SLC9A9: variants seen among roughly 807,000 people sequenced by gnomAD.
The protein encoded by SLC9A9 is sodium/hydrogen exchanger 9.
Under a neutral mutation model 77.8 loss-of-function variants are expected in SLC9A9, and 62 were observed. That is an observed-to-expected ratio of 0.80 (90% CI 0.65 to 0.98). The LOEUF is 0.98. SLC9A9 is among the 50% of genes least tolerant of loss of function. The probability of loss-of-function intolerance (pLI) is 0.00; values close to 1 mark genes in which losing one functional copy is unlikely to be tolerated. For synonymous variants in SLC9A9, 320 were observed against 283.5 expected (o/e 1.13, Z -1.29); for missense variants, 775 against 774.9 (o/e 1.00, Z 0.00).
chr3:143,785,698 C>T (rs1440526404), intron 4 of SLC9A9, among the ~76,000 whole-genome samples: 3 of 151,548 alleles, frequency 2.0e-5, no homozygotes, highest in African/African-American at 4.9e-5. Flanking sequence ...TGTGTGTGAG[C>T]GTGTGTGTGT....
intron 9 of SLC9A9, among the ~76,000 whole-genome samples, chr3:143,521,916 A>T (rs951367812): frequency 3.9e-5 from 6 of 152,006 alleles, no homozygotes; most frequent in African/African-American, 1.2e-4. Context: ...TCTCTCAATG[A>T]TTTGTTTCCT....
At chr3:143,283,107 A>G (rs906217166) in intron 14 of SLC9A9, among the ~76,000 whole-genome samples, 8 of 152,272 alleles carry the variant, frequency 5.3e-5, no homozygotes, top group Non-Finnish European at 1.0e-4. Flanking sequence ...AATGCCCAGT[A>G]GGCAGAAATG....
At chr3:143,391,827 G>C (rs1176854230) in intron 12 of SLC9A9, among the ~76,000 whole-genome samples, 3 of 152,202 alleles carry the variant, frequency 2.0e-5, no homozygotes, top group Admixed American at 6.5e-5. Context: ...TAGCCGATTT[G>C]ATCAACTGGA....
At chr3:143,351,965 A>G (rs910588815) in intron 14 of SLC9A9, among the ~76,000 whole-genome samples, 2 of 152,140 alleles carry the variant, frequency 1.3e-5, no homozygotes, top group African/African-American at 4.8e-5. Flanking sequence ...AAGTTGGCCA[A>G]TCCAGTTAAA....
At chr3:143,772,699 T>C (rs1166503812) in intron 4 of SLC9A9, among the ~76,000 whole-genome samples, 1 of 152,226 alleles carries the variant, frequency 6.6e-6, no homozygotes, top group Non-Finnish European at 1.5e-5. Context: ...TGCTGATTAA[T>C]AAGCTGAGTG....
At chr3:143,676,191 G>C (rs1932879317) in intron 5 of SLC9A9, among the ~76,000 whole-genome samples, 2 of 152,100 alleles carry the variant, frequency 1.3e-5, no homozygotes, top group South Asian at 4.2e-4. Flanking sequence ...ATGCTGGCTG[G>C]CCTGCCACTC....
chr3:143,506,656 T>C (rs2108601217), intron 9 of SLC9A9, among the ~76,000 whole-genome samples: 1 of 152,280 alleles, frequency 6.6e-6, no homozygotes, highest in East Asian at 1.9e-4. Flanking sequence ...TATGAGGTCT[T>C]GAGTCTAGAA....
At position 143,266,271 on chromosome 3, in the gene SLC9A9, G is replaced by A; in HGVS notation, c.*431C>T. 3.3e-6 allele frequency: 2 copies of A among 597,600 alleles called. No homozygotes were observed. Among genetic ancestry groups the A allele is most frequent in the Non-Finnish European group, 5.9e-6 (2 of 337,102 alleles). 37.0% of individuals were successfully genotyped at this position (597,600 alleles called of 1,614,324 possible). A position where few individuals can be genotyped will look rare whatever the true frequency, so the allele number is the denominator to read the frequency against. ...ACTAAATAGCTGGGCATTCCCTTCA[G>A]CTTAGGAGCAAAATGTTTACTCTCA... is the stretch of plus-strand genomic sequence containing the variant. On this transcript the variant is annotated 3_prime_UTR_variant, in exon 16 of 16. Transcript: ENST00000316549.
intron 6 of SLC9A9, among the ~76,000 whole-genome samples, chr3:143,632,664 G>A (rs1201400932): frequency 6.6e-6 from 1 of 152,144 alleles, no homozygotes; most frequent in Admixed American, 6.6e-5. Context: ...GTATTACATG[G>A]TTAGTAATTT....
intron 9 of SLC9A9, chr3:143,504,063 A>G: frequency 2.0e-6 from 1 of 500,270 alleles, no homozygotes; most frequent in Non-Finnish European, 4.0e-6. Context: ...TGGGATTTCC[A>G]CTGATGACAA....
At chr3:143,678,106 A>G (rs9822206) in intron 5 of SLC9A9, among the ~76,000 whole-genome samples, 110,020 of 152,058 alleles carry the variant, frequency 0.72, 39,947 homozygotes, top group East Asian at 0.84. Flanking sequence ...GATTACAGGC[A>G]TGAGCCACCG....
rs1560059100 is a variant in SLC9A9, at chr3:143,743,246, GATAGATAGATAGATA to G, written c.534-49954_534-49940del. On this transcript the variant is annotated intron_variant, in intron 4 of 15. Transcript: ENST00000316549. ...GGATGGATGGATGGATGGATGGATA[GATAGATAGATAGATA>G]GATAGATAGATAGATAGATAGATAG... 8.1e-5 allele frequency among the ~76,000 whole-genome samples: 6 copies of G among 74,284 alleles called. 1 individual carries two copies. The highest frequency in any genetic ancestry group is 4.7e-4 in the South Asian group (1 of 2,106). 48.7% of individuals were successfully genotyped at this position (74,284 alleles called of 152,430 possible). A position where few individuals can be genotyped will look rare whatever the true frequency, so the allele number is the denominator to read the frequency against.
At chr3:143,636,891 C>T (rs920176138) in intron 6 of SLC9A9, among the ~76,000 whole-genome samples, 2 of 152,152 alleles carry the variant, frequency 1.3e-5, no homozygotes, top group Non-Finnish European at 2.9e-5. Flanking sequence ...GGAATTCATA[C>T]GGAGCCTTAG....
intron 5 of SLC9A9, among the ~76,000 whole-genome samples, chr3:143,668,864 T>G (rs370029686): frequency 6.6e-6 from 1 of 152,142 alleles, no homozygotes; most frequent in Non-Finnish European, 1.5e-5. Context: ...CAGTGCAAAA[T>G]AATAAATTGA....
intron 14 of SLC9A9, among the ~76,000 whole-genome samples, chr3:143,353,961 A>G (rs2032526977): frequency 6.6e-6 from 1 of 152,200 alleles, no homozygotes; most frequent in South Asian, 2.1e-4. Context: ...CCATCCAAGT[A>G]ACCAAAAAAG....
intron 1 of SLC9A9, among the ~76,000 whole-genome samples, chr3:143,845,699 C>T (rs1401852427): frequency 6.6e-6 from 1 of 152,160 alleles, no homozygotes; most frequent in Non-Finnish European, 1.5e-5. Flanking sequence ...CTTTGACATC[C>T]TAACAATTAT....
intron 4 of SLC9A9, among the ~76,000 whole-genome samples, chr3:143,712,136 T>A (rs1328121393): frequency 6.6e-6 from 1 of 152,190 alleles, no homozygotes. Context: ...AGGCTTTGAA[T>A]TCAGTTGTAA....
intron 13 of SLC9A9, among the ~76,000 whole-genome samples, chr3:143,374,268 A>G (rs935189964): frequency 1.3e-5 from 2 of 151,804 alleles, no homozygotes; most frequent in East Asian, 1.9e-4. Flanking sequence ...TACTGAAAAT[A>G]TAAAAAATTA....
chr3:143,666,839 A>T (rs1186650050), intron 5 of SLC9A9, among the ~76,000 whole-genome samples: 1 of 152,224 alleles, frequency 6.6e-6, no homozygotes, highest in African/African-American at 2.4e-5. Flanking sequence ...AGAGGACACA[A>T]ACAAATGGAA....
Sources: allele counts gnomAD v4.1 joint callset (sites outside exome capture counted in the v4.1 genomes callset), GRCh38; gene constraint gnomAD v4.1.1; transcripts MANE v1.5; gene names NCBI Gene and HGNC (gene_info 2026-07-23, HGNC 2026-07-21).